The following DOK6 variants were observed in gnomAD, a reference collection of about 807,000 sequenced individuals.
DOK6 encodes the protein downstream of tyrosine kinase 6.
Under a neutral mutation model 44.0 loss-of-function variants are expected in DOK6, and 22 were observed. The observed-to-expected ratio is 0.50, with a 90% CI of 0.36 to 0.71. The LOEUF (loss-of-function observed/expected upper bound fraction) is 0.71, where lower values mean the gene tolerates loss of function less well. DOK6 is among the 30% of genes least tolerant of loss of function. The pLI is 0.00. For synonymous variants in DOK6, 166 were observed against 145.5 expected (o/e 1.14, Z -1.01); for missense variants, 340 against 416.4 (o/e 0.82, Z 1.60).
chr18:69,651,571 C>T lies in DOK6; in HGVS notation c.290-26163C>T, dbSNP rs1435923364. On this transcript the variant is annotated intron_variant, in intron 3 of 7. Coordinates refer to ENST00000382713, the MANE Select transcript of DOK6 (RefSeq NM_152721.6). The stretch of plus-strand genomic sequence containing the variant: ...CAGCGCGATCTTGGCTTGCTGCAAC[C>T]TCTGCCTCCCGGGTTCAAGCGAATC... Among the ~76,000 whole-genome samples, 6 of 150,740 alleles carry T rather than the reference C, an allele frequency of 4.0e-5. No individual in the cohort carries two copies. The East Asian group carries it at 9.8e-4, about 25-fold the overall frequency.
intron 4 of DOK6, 80 bp downstream of exon 4, chr18:69,677,933 T>C: frequency 1.3e-6 from 2 of 1,514,358 alleles, no homozygotes; most frequent in Non-Finnish European, 1.8e-6. Flanking sequence ...ATCTCAGAAA[T>C]GTTTCAGACC....
At chr18:69,474,957 A>T (rs1980219891) in intron 1 of DOK6, among the ~76,000 whole-genome samples, 1 of 152,202 alleles carries the variant, frequency 6.6e-6, no homozygotes, top group Admixed American at 6.5e-5. Context: ...CTTAAAAATG[A>T]TTCATATTTA....
chr18:69,501,230 T>C (rs188149204), intron 1 of DOK6, among the ~76,000 whole-genome samples: 4 of 152,266 alleles, frequency 2.6e-5, no homozygotes, highest in African/African-American at 9.6e-5. Flanking sequence ...TTTATCATTA[T>C]CAGATGATCT....
At chr18:69,751,025 T>C (rs928430354) in intron 6 of DOK6, among the ~76,000 whole-genome samples, 35 of 152,192 alleles carry the variant, frequency 2.3e-4, no homozygotes, top group African/African-American at 8.2e-4. Flanking sequence ...AAATACCATG[T>C]ATTCTCACTT....
At position 69,464,993 on chromosome 18, in the gene DOK6, T is replaced by C. The variant is rs376629720; in HGVS notation, c.66+63683T>C. Among the ~76,000 whole-genome samples the C allele has an allele frequency of 8.5e-5, 13 of 152,328 alleles. No individual in the cohort carries two copies. In the East Asian group the frequency reaches 1.5e-3, roughly 18 times the overall value. On this transcript the variant is annotated intron_variant, in intron 1 of 7. Coordinates refer to ENST00000382713, the MANE Select transcript of DOK6 (RefSeq NM_152721.6). ...CTTGTAGCATCTTTACATATTGTAATTGGTTATTTAATACTAATAAACGAA... is the reference window on the plus strand; with the variant it reads ...CTTGTAGCATCTTTACATATTGTAACTGGTTATTTAATACTAATAAACGAA...
intron 1 of DOK6, among the ~76,000 whole-genome samples, chr18:69,560,715 A>G (rs1390151983): frequency 6.6e-6 from 1 of 152,108 alleles, no homozygotes; most frequent in South Asian, 2.1e-4. Context: ...CCCTGTGTTT[A>G]TTGACTACCT....
intron 1 of DOK6, among the ~76,000 whole-genome samples, chr18:69,404,004 T>C (rs12959923): frequency 0.24 from 35,882 of 152,216 alleles, 4,651 homozygotes; most frequent in Middle Eastern, 0.3. Flanking sequence ...TAAATAATTA[T>C]AATTGAACAT....
chr18:69,723,950 C>T (rs1978294626), intron 5 of DOK6, among the ~76,000 whole-genome samples: 1 of 152,224 alleles, frequency 6.6e-6, no homozygotes, highest in South Asian at 2.1e-4. Flanking sequence ...GTCCACTGCT[C>T]TGTGCATCCT....
intron 3 of DOK6, among the ~76,000 whole-genome samples, chr18:69,641,175 A>G (rs1481000990): frequency 6.6e-6 from 1 of 151,874 alleles, no homozygotes; most frequent in Non-Finnish European, 1.5e-5. Context: ...AGATCATGCT[A>G]CTGCACTCCA....
At chr18:69,480,535 G>C (rs1176030459) in intron 1 of DOK6, among the ~76,000 whole-genome samples, 2 of 152,080 alleles carry the variant, frequency 1.3e-5, no homozygotes, top group African/African-American at 4.8e-5. Context: ...AGTCTCTTCT[G>C]TAATTAATAT....
At chr18:69,709,774 T>C (rs1171502122) in intron 5 of DOK6, among the ~76,000 whole-genome samples, 1 of 152,226 alleles carries the variant, frequency 6.6e-6, no homozygotes, top group Non-Finnish European at 1.5e-5. Flanking sequence ...TGATAAAATC[T>C]GTTCTTTCAA....
chr18:69,432,085 G>A (rs1412005134), intron 1 of DOK6, among the ~76,000 whole-genome samples: 3 of 152,066 alleles, frequency 2.0e-5, no homozygotes, highest in Admixed American at 6.6e-5. Context: ...ATTAAACATC[G>A]ATATTTCACA....
At chr18:69,693,312 G>GAA (rs10554189) in intron 4 of DOK6, among the ~76,000 whole-genome samples, 1,998 of 126,092 alleles carry the variant, frequency 0.016, 23 homozygotes, top group Admixed American at 0.029. Context: ...CTTCTTTGAA[G>GAA]AAAAAAAAAA....
chr18:69,485,257 C>G (rs1417480833), intron 1 of DOK6, among the ~76,000 whole-genome samples: 2 of 152,120 alleles, frequency 1.3e-5, no homozygotes, highest in African/African-American at 4.8e-5. Context: ...AGAGGGCATG[C>G]TGAAAGCCTT....
chr18:69,806,884 A>C (rs1981066269), intron 7 of DOK6, among the ~76,000 whole-genome samples: 1 of 152,018 alleles, frequency 6.6e-6, no homozygotes, highest in South Asian at 2.1e-4. Context: ...TGGAAAGTAG[A>C]ATCAATATTG....
chr18:69,457,853 T>G (rs1448015473), intron 1 of DOK6, among the ~76,000 whole-genome samples: 2 of 152,184 alleles, frequency 1.3e-5, no homozygotes, highest in African/African-American at 4.8e-5. Context: ...ATCAAAAAGT[T>G]AATTCACATG....
At chr18:69,407,092 G>C (rs1478328382) in intron 1 of DOK6, among the ~76,000 whole-genome samples, 1 of 152,090 alleles carries the variant, frequency 6.6e-6, no homozygotes, top group African/African-American at 2.4e-5. Flanking sequence ...AAAAAAAATA[G>C]TTTACTATGA....
chr18:69,795,830 G>A (rs1325747988), intron 7 of DOK6, among the ~76,000 whole-genome samples: 1 of 152,166 alleles, frequency 6.6e-6, no homozygotes, highest in Non-Finnish European at 1.5e-5. Context: ...CTCCTAACAA[G>A]TGGGAAAGAA....
chr18:69,712,351 G>T (rs2144716453), intron 5 of DOK6, among the ~76,000 whole-genome samples: 1 of 120,972 alleles, frequency 8.3e-6, no homozygotes, highest in Non-Finnish European at 1.7e-5. Flanking sequence ...AATCACATTT[G>T]TGTAGAAAAT....
Sources: allele counts gnomAD v4.1 joint callset (sites outside exome capture counted in the v4.1 genomes callset), GRCh38; gene constraint gnomAD v4.1.1; transcripts MANE v1.5; gene names NCBI Gene and HGNC (gene_info 2026-07-23, HGNC 2026-07-21).